The following CDKAL1 variants were observed in gnomAD, a reference collection of about 807,000 sequenced individuals.
CDKAL1 encodes CDKAL1 threonylcarbamoyladenosine tRNA methylthiotransferase.
Under a neutral mutation model 68.2 loss-of-function variants are expected in CDKAL1, and 32 were observed. That is an observed-to-expected ratio of 0.47 (90% CI 0.35 to 0.63). The LOEUF is 0.63. Among genes scored for constraint, CDKAL1 ranks in the 30% least tolerant of loss-of-function variants. The probability of loss-of-function intolerance (pLI) is 0.00; values close to 1 mark genes in which losing one functional copy is unlikely to be tolerated. For missense variants in CDKAL1, 606 were observed against 696.7 expected (o/e 0.87, Z 1.47); for synonymous variants, 234 against 244.3 (o/e 0.96, Z 0.39).
At chr6:20,599,413 A>G (rs1218190151) in intron 4 of CDKAL1, 1 of 450,472 alleles carries the variant, frequency 2.2e-6, no homozygotes, top group East Asian at 7.0e-5. Flanking sequence ...CAAAGTAGAA[A>G]GTTCCTGGAG....
intron 4 of CDKAL1, among the ~76,000 whole-genome samples, chr6:20,603,120 G>A (rs190292107): frequency 6.6e-6 from 1 of 152,054 alleles, no homozygotes; most frequent in Non-Finnish European, 1.5e-5. Flanking sequence ...GTATTATTTG[G>A]TTCTGGCAAG....
chr6:21,000,781 T>G (rs951247030), intron 11 of CDKAL1, among the ~76,000 whole-genome samples: 4 of 152,196 alleles, frequency 2.6e-5, no homozygotes, highest in African/African-American at 9.6e-5. Context: ...AATTTTCTAC[T>G]AAACAGCATT....
At chr6:20,896,570 A>G (rs1339404575) in intron 9 of CDKAL1, among the ~76,000 whole-genome samples, 1 of 152,238 alleles carries the variant, frequency 6.6e-6, no homozygotes, top group African/African-American at 2.4e-5. Context: ...CAAGTAAAAT[A>G]AAGAATACTT....
In CDKAL1 at chr6:20,864,808, T is replaced by C. The variant is rs574356925; in HGVS notation, c.742+18630T>C. Among the ~76,000 whole-genome samples, 6 of 152,310 alleles carry C rather than the reference T, an allele frequency of 3.9e-5. 1 individual carries two copies. The Middle Eastern group carries it at 0.017, about 432-fold the overall frequency. On this transcript the variant is annotated intron_variant, in intron 9 of 15. Coordinates refer to ENST00000274695, the MANE Select transcript of CDKAL1 (RefSeq NM_017774.3). ...ACATCGACTTCAGAAATCAAAATTATCATTCCTAAATAAGTAAAAGTTTAT... is the reference window on the plus strand; with the variant it reads ...ACATCGACTTCAGAAATCAAAATTACCATTCCTAAATAAGTAAAAGTTTAT...
At chr6:21,129,999 A>G (rs905565003) in intron 13 of CDKAL1, among the ~76,000 whole-genome samples, 1 of 152,118 alleles carries the variant, frequency 6.6e-6, no homozygotes, top group Admixed American at 6.5e-5. Flanking sequence ...CCTTGAAATT[A>G]TATTTGCTGA....
intron 13 of CDKAL1, among the ~76,000 whole-genome samples, chr6:21,119,274 A>G (rs998368926): frequency 6.6e-6 from 1 of 152,228 alleles, no homozygotes; most frequent in African/African-American, 2.4e-5. Context: ...CATCTAGAAT[A>G]GCATCTAGCA....
intron 10 of CDKAL1, among the ~76,000 whole-genome samples, chr6:20,984,813 G>GC (rs35957348): frequency 0.59 from 71,451 of 121,252 alleles, 18,945 homozygotes; most frequent in East Asian, 0.68. Flanking sequence ...CACAGTAACG[G>GC]GGGGGGGTGG....
intron 4 of CDKAL1, among the ~76,000 whole-genome samples, chr6:20,554,595 G>T (rs1016248246): frequency 6.6e-6 from 1 of 152,216 alleles, no homozygotes; most frequent in Non-Finnish European, 1.5e-5. Context: ...TCTGAAATCA[G>T]TTCTTAAAGA....
intron 10 of CDKAL1, among the ~76,000 whole-genome samples, chr6:20,987,061 G>C (rs1036887963): frequency 6.6e-6 from 1 of 152,146 alleles, no homozygotes; most frequent in Non-Finnish European, 1.5e-5. Flanking sequence ...AGATGTGTAA[G>C]CTGATTTGTC....
intron 6 of CDKAL1, among the ~76,000 whole-genome samples, chr6:20,745,109 G>C (rs756872160): frequency 6.6e-6 from 1 of 152,218 alleles, no homozygotes; most frequent in East Asian, 1.9e-4. Context: ...GTTTAACACA[G>C]GTGTCCACTT....
intron 9 of CDKAL1, among the ~76,000 whole-genome samples, chr6:20,948,450 A>C (rs770365613): frequency 6.6e-6 from 1 of 152,174 alleles, no homozygotes; most frequent in Non-Finnish European, 1.5e-5. Context: ...TTGCTTTTTT[A>C]CTTTTCTTTA....
At chr6:21,217,017 C>T (rs925183828) in intron 15 of CDKAL1, among the ~76,000 whole-genome samples, 4 of 151,314 alleles carry the variant, frequency 2.6e-5, no homozygotes, top group African/African-American at 9.8e-5. Context: ...TGTTCTGGAT[C>T]CTCCACATTC....
intron 5 of CDKAL1, among the ~76,000 whole-genome samples, chr6:20,666,315 T>C (rs979600825): frequency 8.6e-5 from 13 of 151,524 alleles, no homozygotes; most frequent in African/African-American, 3.2e-4. Flanking sequence ...CCTGAGAGTA[T>C]GGGGAACTGT....
At chr6:20,958,273 G>A (rs1444215377) in intron 10 of CDKAL1, among the ~76,000 whole-genome samples, 1 of 152,138 alleles carries the variant, frequency 6.6e-6, no homozygotes, top group East Asian at 1.9e-4. Flanking sequence ...CAAAGTAAGA[G>A]GTTTTAAACT....
intron 9 of CDKAL1, among the ~76,000 whole-genome samples, chr6:20,935,140 T>A (rs922225620): frequency 6.6e-6 from 1 of 152,164 alleles, no homozygotes; most frequent in East Asian, 1.9e-4. Context: ...AAGATCCGCC[T>A]GCCTTGGCCT....
intron 5 of CDKAL1, among the ~76,000 whole-genome samples, chr6:20,694,062 A>ATGTGTGTGTGTGTGTGTGTGTGTGTGTG (rs55981799): frequency 7.8e-6 from 1 of 128,962 alleles, no homozygotes; most frequent in African/African-American, 2.7e-5. Context: ...GTGTGTGTGT[A>ATGTGTGTGTGTGTGTGTGTGTGTGTGTG]TGTGTGTGTG....
Position 20,721,891 on chromosome 6 carries a change from C to T in CDKAL1, c.372-17628C>T, listed in dbSNP as rs111777180. ...GGGACTACAGGCTTGTGCCACCACA[C>T]CTGGCTAATTTTTGCATTTTTAGTA... is the stretch of plus-strand genomic sequence containing the variant. On this transcript the variant is annotated intron_variant, in intron 5 of 15. Transcript: ENST00000274695. 5.7e-3 allele frequency among the ~76,000 whole-genome samples: 862 copies of T among 152,086 alleles called. 9 individuals are homozygous for T. Among genetic ancestry groups the T allele is most frequent in the African/African-American group, 0.019 (801 of 41,478 alleles).
At chr6:20,806,453 A>G (rs1935223466) in intron 8 of CDKAL1, among the ~76,000 whole-genome samples, 1 of 152,080 alleles carries the variant, frequency 6.6e-6, no homozygotes, top group Non-Finnish European at 1.5e-5. Flanking sequence ...ATGTTTCTTT[A>G]TGGTAAAACA....
intron 8 of CDKAL1, among the ~76,000 whole-genome samples, chr6:20,803,047 T>C (rs1193257296): frequency 6.6e-6 from 1 of 152,228 alleles, no homozygotes; most frequent in Admixed American, 6.5e-5. Flanking sequence ...TCTGGAATTA[T>C]ATTAAATAAC....
Sources: allele counts gnomAD v4.1 joint callset (sites outside exome capture counted in the v4.1 genomes callset), GRCh38; gene constraint gnomAD v4.1.1; transcripts MANE v1.5; gene names NCBI Gene and HGNC (gene_info 2026-07-23, HGNC 2026-07-21).